Variants in KIAA1549L observed in about 807,000 individuals in gnomAD.
KIAA1549L encodes UPF0606 protein KIAA1549L.
A neutral mutation model predicts 160.7 loss-of-function variants in KIAA1549L; 88 were observed. The ratio of observed to expected loss-of-function variants is 0.55; its 90% CI spans 0.46 to 0.65. The LOEUF is 0.65. Among genes scored for constraint, KIAA1549L ranks in the 30% least tolerant of loss-of-function variants. The pLI is 0.00. For missense variants in KIAA1549L, 2,258 were observed against 2,437.5 expected (o/e 0.93, Z 1.55); for synonymous variants, 950 against 976.7 (o/e 0.97, Z 0.51).
At chr11:33,638,243 T>A (rs1851489557) in intron 16 of KIAA1549L, among the ~76,000 whole-genome samples, 1 of 152,054 alleles carries the variant, frequency 6.6e-6, no homozygotes, top group South Asian at 2.1e-4. Flanking sequence ...GAAAACTCCC[T>A]CACTTTTTTT....
intron 10 of KIAA1549L, among the ~76,000 whole-genome samples, chr11:33,578,304 G>T (rs906401601): frequency 6.6e-6 from 1 of 152,074 alleles, no homozygotes; most frequent in Non-Finnish European, 1.5e-5. Context: ...CAAGAGAGTC[G>T]AGATTCAAAC....
intron 1 of KIAA1549L, among the ~76,000 whole-genome samples, chr11:33,453,189 G>A (rs1851755965): frequency 1.3e-5 from 2 of 152,226 alleles, no homozygotes; most frequent in Admixed American, 1.3e-4. Flanking sequence ...GAGAGTGTCA[G>A]TGAATTACAG....
chr11:33,573,875 T>G (rs1258509280), intron 9 of KIAA1549L, among the ~76,000 whole-genome samples: 1 of 152,178 alleles, frequency 6.6e-6, no homozygotes, highest in South Asian at 2.1e-4. Flanking sequence ...AGTAACAGTC[T>G]AAATGCTTAA....
chr11:33,400,978 C>T (rs372212625), intron 1 of KIAA1549L, among the ~76,000 whole-genome samples: 10 of 152,134 alleles, frequency 6.6e-5, no homozygotes, highest in Non-Finnish European at 1.5e-4. Flanking sequence ...GTGCTCCTGT[C>T]CACTGCTAAG....
chr11:33,616,256 A>G (rs1850804739), intron 15 of KIAA1549L, among the ~76,000 whole-genome samples: 1 of 152,166 alleles, frequency 6.6e-6, no homozygotes, highest in Non-Finnish European at 1.5e-5. Flanking sequence ...CTCTTACCTC[A>G]TGGTGACAAA....
rs1016465627 is a variant in KIAA1549L at position 33,407,239 on chromosome 11, C to T, written c.238+30350C>T. On this transcript the variant is annotated intron_variant, in intron 1 of 20. Coordinates refer to ENST00000658780, the MANE Select transcript of KIAA1549L (RefSeq NM_012194.3). ...AGCTGGGACTACAGGCGCCTGCCACCACGCCCGGCTAATTTTTTGTATTTT... is the reference window on the plus strand; with the variant it reads ...AGCTGGGACTACAGGCGCCTGCCACTACGCCCGGCTAATTTTTTGTATTTT... Among the ~76,000 whole-genome samples, 15 of 151,584 alleles carry T rather than the reference C, an allele frequency of 9.9e-5. No individual in the cohort carries two copies. In the East Asian group the frequency reaches 1.2e-3, roughly 12 times the overall value.
At chr11:33,397,546 TA>T (rs1053253812) in intron 1 of KIAA1549L, among the ~76,000 whole-genome samples, 1 of 150,518 alleles carries the variant, frequency 6.6e-6, no homozygotes, top group Non-Finnish European at 1.5e-5. Context: ...CCGTCTCTAC[TA>T]AAAAAACTAC....
chr11:33,533,467 G>A (rs960776127), intron 1 of KIAA1549L, among the ~76,000 whole-genome samples: 5 of 152,146 alleles, frequency 3.3e-5, no homozygotes, highest in Non-Finnish European at 7.3e-5. Flanking sequence ...TCTCTGATGC[G>A]TTTAGTTCAA....
At chr11:33,387,907 C>T (rs113411412) in intron 1 of KIAA1549L, among the ~76,000 whole-genome samples, 5 of 152,290 alleles carry the variant, frequency 3.3e-5, no homozygotes, top group South Asian at 4.1e-4. Context: ...GCCCAGCCAA[C>T]GATTTTCATT....
At chr11:33,415,723 T>C (rs1850875057) in intron 1 of KIAA1549L, among the ~76,000 whole-genome samples, 2 of 152,184 alleles carry the variant, frequency 1.3e-5, no homozygotes, top group African/African-American at 4.8e-5. Flanking sequence ...ATCCTTGAGC[T>C]TTTTTCCTTT....
chr11:33,408,319 A>T (rs1443012278), intron 1 of KIAA1549L, among the ~76,000 whole-genome samples: 1 of 151,882 alleles, frequency 6.6e-6, no homozygotes, highest in Non-Finnish European at 1.5e-5. Flanking sequence ...TGGGCAGGGG[A>T]CTTCGTCACA....
rs927894187 is a variant in KIAA1549L at position 33,516,139 on chromosome 11, C to CTT, written c.239-25634_239-25633dup. Among the ~76,000 whole-genome samples, 102 of 43,282 alleles carry CTT rather than the reference C, an allele frequency of 2.4e-3. 15 individuals carry two copies. Among genetic ancestry groups the CTT allele is most frequent in the East Asian group, 7.6e-3 (12 of 1,582 alleles). The allele number at this position is 43,282 out of a possible 152,430, so 28.4% of individuals were successfully genotyped here. A position where few individuals can be genotyped will look rare whatever the true frequency, so the allele number is the denominator to read the frequency against. ...CACTACCAATCAGCTGGAGGTGATT[C>CTT]TTTTTTTTTTTTTTTTTTTTTTTTT... On this transcript the variant is annotated intron_variant, in intron 1 of 20. Coordinates refer to ENST00000658780, the MANE Select transcript of KIAA1549L (RefSeq NM_012194.3).
chr11:33,487,162 A>G (rs1193761514), intron 1 of KIAA1549L, among the ~76,000 whole-genome samples: 2 of 152,206 alleles, frequency 1.3e-5, no homozygotes, highest in Non-Finnish European at 2.9e-5. Context: ...TTAGATGTCA[A>G]ACTTTTGAGA....
intron 11 of KIAA1549L, among the ~76,000 whole-genome samples, chr11:33,590,824 G>A (rs1298920175): frequency 6.6e-6 from 1 of 152,218 alleles, no homozygotes; most frequent in South Asian, 2.1e-4. Flanking sequence ...TACACATAAA[G>A]CTATACGAGA....
At chr11:33,580,935 G>T (rs768497923) in intron 10 of KIAA1549L, among the ~76,000 whole-genome samples, 21 of 152,194 alleles carry the variant, frequency 1.4e-4, no homozygotes, top group Admixed American at 2.0e-4. Flanking sequence ...GAATCACTGA[G>T]GAAGTAACCC....
At chr11:33,468,568 C>T (rs1852109363) in intron 1 of KIAA1549L, among the ~76,000 whole-genome samples, 1 of 152,138 alleles carries the variant, frequency 6.6e-6, no homozygotes, top group Non-Finnish European at 1.5e-5. Context: ...ATTGACAGTG[C>T]CCTTATCTTC....
chr11:33,446,163 C>T (rs1416212963), intron 1 of KIAA1549L, among the ~76,000 whole-genome samples: 7 of 149,844 alleles, frequency 4.7e-5, no homozygotes, highest in Non-Finnish European at 8.9e-5. Context: ...GGTGCCGTCT[C>T]AGCTCACTGC....
intron 1 of KIAA1549L, among the ~76,000 whole-genome samples, chr11:33,401,771 T>G (rs958225071): frequency 5.9e-5 from 9 of 152,142 alleles, no homozygotes; most frequent in African/African-American, 2.2e-4. Context: ...TGCCTCAGCC[T>G]CCCAAGGTGC....
intron 1 of KIAA1549L, among the ~76,000 whole-genome samples, chr11:33,397,423 A>G (rs1456102980): frequency 4.8e-5 from 7 of 145,828 alleles, no homozygotes; most frequent in East Asian, 4.3e-4. Flanking sequence ...AAGTGAAAAC[A>G]TTTTAGGCTG....
Sources: gnomAD v4.1 joint callset for allele counts (sites outside exome capture counted in the v4.1 genomes callset) on GRCh38, gnomAD v4.1.1 for gene constraint, MANE v1.5 for transcripts, NCBI Gene and HGNC (gene_info 2026-07-23, HGNC 2026-07-21) for gene names.